The following TTC27 variants were observed in gnomAD, a reference collection of about 807,000 sequenced individuals.
The protein encoded by TTC27 is tetratricopeptide repeat domain 27, also known as tetratricopeptide repeat protein 27.
Under a neutral mutation model 115.9 loss-of-function variants are expected in TTC27, and 79 were observed. The ratio of observed to expected loss-of-function variants is 0.68; its 90% confidence interval spans 0.57 to 0.82. TTC27 has a LOEUF of 0.82. TTC27 is among the 40% of genes least tolerant of loss of function. The probability of loss-of-function intolerance (pLI) is 0.00; values close to 1 mark genes in which losing one functional copy is unlikely to be tolerated. For missense variants in TTC27, 1,054 were observed against 993.1 expected (o/e 1.06, Z -0.82); for synonymous variants, 401 against 356.0 (o/e 1.13, Z -1.42).
intron 16 of TTC27, among the ~76,000 whole-genome samples, chr2:32,801,701 C>T (rs921633297): frequency 5.3e-5 from 8 of 152,120 alleles, no homozygotes; most frequent in African/African-American, 1.9e-4. Flanking sequence ...GATCCAATAC[C>T]TCACTGGGAG....
chr2:32,789,942 A>AAAAAAAAAT, intron 16 of TTC27, among the ~76,000 whole-genome samples: 1 of 146,994 alleles, frequency 6.8e-6, no homozygotes, highest in Admixed American at 6.9e-5. Flanking sequence ...AAAAAAAAAA[A>AAAAAAAAAT]AAAAGAGAAG....
chr2:32,760,479 A>G (rs1247290019), intron 13 of TTC27, among the ~76,000 whole-genome samples: 1 of 152,116 alleles, frequency 6.6e-6, no homozygotes, highest in Non-Finnish European at 1.5e-5. Context: ...ACATCCCGTA[A>G]TACACAGCAC....
chr2:32,817,545 A>T lies in TTC27; in HGVS notation c.2397A>T (p.Leu799Phe), dbSNP rs1328612532. The change falls in exon 19 of 20, where the codon TTA (leucine) becomes TTT (phenylalanine). Residue 799 changes from leucine to phenylalanine, a missense_variant. Physicochemically the swap from Leu to Phe is conservative, Grantham distance 22 (BLOSUM62 0). Transcript: ENST00000317907. ...TTCGACTCAATTTACGGGGCTTGTTATCTAAAGCAAAGGTGAGAGTGACAT... is the reference window on the plus strand; with the variant it reads ...TTCGACTCAATTTACGGGGCTTGTTTTCTAAAGCAAAGGTGAGAGTGACAT... ...SSVRLNLRGL[L>F]SKAKQLFTDV... The T allele has an allele frequency of 6.2e-7, 1 of 1,613,698 alleles. No homozygotes were observed.
chr2:32,786,902 A>T (rs979454326), intron 15 of TTC27, 82 bp from the exon 16 acceptor site: 142 of 1,189,010 alleles, frequency 1.2e-4, no homozygotes, highest in Non-Finnish European at 1.5e-4. Context: ...AGTCCACATT[A>T]GTATTTTATA....
chr2:32,637,519 G>GA (rs1664474485), intron 3 of TTC27, among the ~76,000 whole-genome samples: 1 of 151,980 alleles, frequency 6.6e-6, no homozygotes, highest in South Asian at 2.1e-4. Flanking sequence ...TTTTAATAGA[G>GA]ACGGGGTTTC....
chr2:32,817,498 G>A lies in TTC27; in HGVS notation c.2350G>A (p.Ala784Thr). 3 of 1,614,042 alleles carry A rather than the reference G, an allele frequency of 1.9e-6. No homozygotes were observed. The South Asian group carries it at 3.3e-5, about 18-fold the overall frequency. The stretch of plus-strand genomic sequence containing the variant: ...TAAAAACAAATCCAGTTCCCAAGAA[G>A]CTGTACAAATGCTTTCTTCTGTTCG... ...CSKNKSSSQE[A>T]VQMLSSVRLN... The change falls in exon 19 of 20, where the codon GCT (alanine) becomes ACT (threonine). Residue 784 changes from alanine to threonine, a missense_variant. By Grantham distance (58) the Ala-to-Thr change is moderately conservative (BLOSUM62 0). Coordinates refer to ENST00000317907, the MANE Select transcript of TTC27 (RefSeq NM_017735.5).
intron 12 of TTC27, among the ~76,000 whole-genome samples, chr2:32,741,538 G>A (rs1269844834): frequency 6.6e-6 from 1 of 151,678 alleles, no homozygotes; most frequent in Non-Finnish European, 1.5e-5. Flanking sequence ...TGTAGTCCCA[G>A]CTACTTGGGA....
intron 5 of TTC27, among the ~76,000 whole-genome samples, chr2:32,659,718 A>G (rs549217055): frequency 6.6e-6 from 1 of 152,074 alleles, no homozygotes; most frequent in African/African-American, 2.4e-5. Context: ...CCCTGTGTCC[A>G]TGTGTTCTCA....
At chr2:32,732,551 C>T (rs952747866) in intron 10 of TTC27, among the ~76,000 whole-genome samples, 1 of 152,164 alleles carries the variant, frequency 6.6e-6, no homozygotes, top group Admixed American at 6.5e-5. Flanking sequence ...AGATTCCCGT[C>T]CTTTTTTTTT....
At position 32,654,921 on chromosome 2, in the gene TTC27, C is replaced by G. The variant is rs190921852; in HGVS notation, c.640+4688C>G. On this transcript the variant is annotated intron_variant, in intron 5 of 19. Transcript: ENST00000317907. ...ATGTTGGCTAGGCTGGTGTCCAACT[C>G]CTGACCTCAAATGATCCATCCTCCT... Among the ~76,000 whole-genome samples the G allele has an allele frequency of 1.3e-4, 19 of 151,720 alleles. 1 individual carries two copies. In the South Asian group the frequency reaches 2.7e-3, roughly 22 times the overall value.
At chr2:32,701,272 C>A (rs941793024) in intron 9 of TTC27, among the ~76,000 whole-genome samples, 1 of 152,172 alleles carries the variant, frequency 6.6e-6, no homozygotes, top group Non-Finnish European at 1.5e-5. Context: ...TTGATGTACT[C>A]CTCTTCCTTC....
intron 18 of TTC27, among the ~76,000 whole-genome samples, chr2:32,815,737 C>G (rs2148051576): frequency 6.6e-6 from 1 of 152,256 alleles, no homozygotes; most frequent in African/African-American, 2.4e-5. Flanking sequence ...AATACCGCTG[C>G]CATGGTGGTT....
intron 12 of TTC27, among the ~76,000 whole-genome samples, chr2:32,738,108 G>A (rs1021495809): frequency 6.6e-6 from 1 of 152,146 alleles, no homozygotes; most frequent in African/African-American, 2.4e-5. Flanking sequence ...ATGAGGAAAG[G>A]TTTCCCTTAT....
intron 12 of TTC27, among the ~76,000 whole-genome samples, chr2:32,753,693 C>T (rs1165710852): frequency 6.6e-6 from 1 of 152,110 alleles, no homozygotes; most frequent in African/African-American, 2.4e-5. Context: ...GTGATCCGCC[C>T]ACACTGGTCT....
chr2:32,656,088 CATA>C (rs1308627397), intron 5 of TTC27, among the ~76,000 whole-genome samples: 2 of 151,742 alleles, frequency 1.3e-5, no homozygotes, highest in Non-Finnish European at 2.9e-5. Context: ...ATGCCAATTT[CATA>C]ATGTCTTTTT....
At chr2:32,784,613 A>G (rs1670290059) in intron 15 of TTC27, among the ~76,000 whole-genome samples, 1 of 152,186 alleles carries the variant, frequency 6.6e-6, no homozygotes, top group Non-Finnish European at 1.5e-5. Context: ...CAATATCTCT[A>G]CTATAGAGGG....
At chr2:32,640,480 G>A (rs1448138419) in intron 4 of TTC27, 70 bp downstream of exon 4, 3 of 1,453,836 alleles carry the variant, frequency 2.1e-6, no homozygotes, top group Non-Finnish European at 1.9e-6. Context: ...GGCTGTAGAT[G>A]TGTTGCTGAC....
At chr2:32,723,779 T>TTC (rs1668017989) in intron 10 of TTC27, among the ~76,000 whole-genome samples, 1 of 53,514 alleles carries the variant, frequency 1.9e-5, no homozygotes. Context: ...TCCTTCCTTC[T>TTC]CTCCCTCCCT....
intron 9 of TTC27, among the ~76,000 whole-genome samples, chr2:32,700,304 A>C (rs1443568806): frequency 6.6e-6 from 1 of 152,144 alleles, no homozygotes; most frequent in East Asian, 1.9e-4. Context: ...GAGGTCAAGT[A>C]ACTTCCCCAG....
Sources: allele counts gnomAD v4.1 joint callset (sites outside exome capture counted in the v4.1 genomes callset), GRCh38; gene constraint gnomAD v4.1.1; transcripts MANE v1.5; gene names NCBI Gene and HGNC (gene_info 2026-07-23, HGNC 2026-07-21).